KCNQ3: variants seen among roughly 807,000 people sequenced by gnomAD.
The protein encoded by KCNQ3 is potassium voltage-gated channel subfamily KQT member 3.
Under a neutral mutation model 92.5 loss-of-function variants are expected in KCNQ3, and 30 were observed. The ratio of observed to expected loss-of-function variants is 0.32; its 90% CI spans 0.24 to 0.44. The LOEUF is 0.44. KCNQ3 is among the 20% of genes least tolerant of loss of function. KCNQ3 has a pLI of 1.00. For missense variants in KCNQ3, 913 were observed against 1,140.3 expected (o/e 0.80, Z 2.87); for synonymous variants, 450 against 468.8 (o/e 0.96, Z 0.52).
chr8:132,193,504 G>T (rs1434540227), intron 1 of KCNQ3, among the ~76,000 whole-genome samples: 1 of 152,194 alleles, frequency 6.6e-6, no homozygotes, highest in Non-Finnish European at 1.5e-5. Context: ...TGTGAGGGAT[G>T]ACCACAGTGG....
At position 132,480,300 on chromosome 8, in the gene KCNQ3, T is replaced by TGCCCCTCGTCGCGGCCGCC; in HGVS notation, c.214_232dup (p.Gln78ArgfsTer78). ...CCCGATGCCCTGCGGGGTCCTCCGC[T>TGCCCCTCGTCGCGGCCGCC]GCCCCTCGTCGCGGCCGCCGCCCTC... On this transcript the variant is annotated frameshift_variant, in exon 1 of 15. Transcript: ENST00000388996. LOFTEE classifies it high-confidence loss of function. 1 of 1,605,210 alleles carries TGCCCCTCGTCGCGGCCGCC rather than the reference T, an allele frequency of 6.2e-7. No individual in the cohort carries two copies. The highest frequency in any genetic ancestry group is 8.5e-7 in the Non-Finnish European group (1 of 1,176,014).
chr8:132,211,966 A>C lies in KCNQ3; in HGVS notation c.387-25785T>G, dbSNP rs1013356075. On this transcript the variant is annotated intron_variant, in intron 1 of 14. Coordinates refer to ENST00000388996, the MANE Select transcript of KCNQ3 (RefSeq NM_004519.4). ...AGACTCCATCTCAAAAAAAAAAAAAAAAAAAACTTTTAACAAGGTTATGTA... is the reference window on the plus strand; with the variant it reads ...AGACTCCATCTCAAAAAAAAAAAAACAAAAAACTTTTAACAAGGTTATGTA... Among the ~76,000 whole-genome samples the C allele has an allele frequency of 5.3e-5, 8 of 152,038 alleles. No homozygotes were observed. In the South Asian group the frequency reaches 1.5e-3, roughly 28 times the overall value.
intron 1 of KCNQ3, among the ~76,000 whole-genome samples, chr8:132,467,917 G>A (rs1336350206): frequency 2.0e-5 from 3 of 152,172 alleles, no homozygotes; most frequent in Admixed American, 1.3e-4. Context: ...CGCCTTGCAC[G>A]AAGACTTGGT....
chr8:132,459,254 G>A (rs1240970615), intron 1 of KCNQ3, among the ~76,000 whole-genome samples: 4 of 152,142 alleles, frequency 2.6e-5, no homozygotes, highest in African/African-American at 9.7e-5. Flanking sequence ...TGTTAACCTG[G>A]ATCACCTGGT....
chr8:132,189,624 C>T (rs1168045311), intron 1 of KCNQ3, among the ~76,000 whole-genome samples: 7 of 151,908 alleles, frequency 4.6e-5, no homozygotes, highest in Admixed American at 3.3e-4. Flanking sequence ...GTCGGGAGTT[C>T]GAGTCCAGCC....
chr8:132,325,279 G>A (rs992686061), intron 1 of KCNQ3, among the ~76,000 whole-genome samples: 1 of 152,162 alleles, frequency 6.6e-6, no homozygotes, highest in Non-Finnish European at 1.5e-5. Context: ...GGAGAGAGAA[G>A]TGTGTTGGGG....
intron 1 of KCNQ3, among the ~76,000 whole-genome samples, chr8:132,442,050 G>A (rs530557654): frequency 1.2e-4 from 19 of 152,260 alleles, no homozygotes; most frequent in African/African-American, 4.3e-4. Flanking sequence ...ACACAGAGGC[G>A]AACAGCATAC....
At chr8:132,455,499 C>A (rs1821919035) in intron 1 of KCNQ3, among the ~76,000 whole-genome samples, 1 of 152,148 alleles carries the variant, frequency 6.6e-6, no homozygotes, top group South Asian at 2.1e-4. Flanking sequence ...TTCTTGGGTG[C>A]CCCAGTATTA....
chr8:132,439,098 C>A (rs1821465298), intron 1 of KCNQ3, among the ~76,000 whole-genome samples: 1 of 151,554 alleles, frequency 6.6e-6, no homozygotes, highest in South Asian at 2.1e-4. Flanking sequence ...ATACTTCCTA[C>A]CAAGCTTTAT....
At chr8:132,207,616 C>G (rs1201175421) in intron 1 of KCNQ3, among the ~76,000 whole-genome samples, 1 of 152,116 alleles carries the variant, frequency 6.6e-6, no homozygotes, top group Non-Finnish European at 1.5e-5. Context: ...ATATTACTTA[C>G]ATTTCTTACC....
intron 1 of KCNQ3, among the ~76,000 whole-genome samples, chr8:132,290,440 G>A (rs138625344): frequency 6.6e-6 from 1 of 152,302 alleles, no homozygotes; most frequent in African/African-American, 2.4e-5. Context: ...GGAAAAGGGT[G>A]AGACAAGACC....
Position 132,134,289 on chromosome 8 carries a change from C to A in KCNQ3, c.1799+1G>T. The A allele has an allele frequency of 6.2e-7, 1 of 1,611,954 alleles. No individual in the cohort carries two copies. The highest frequency in any genetic ancestry group is 8.5e-7 in the Non-Finnish European group (1 of 1,178,328). On this transcript the variant is annotated splice_donor_variant, in intron 13 of 14. Transcript: ENST00000388996. LOFTEE classifies it high-confidence loss of function. ...CATCAGTCCATGTCCACTGGCCCCA[C>A]CTGGGAGATTGCTGGGATGGGAAGG...
chr8:132,228,050 T>A (rs755556527), intron 1 of KCNQ3, among the ~76,000 whole-genome samples: 10 of 152,142 alleles, frequency 6.6e-5, no homozygotes, highest in Admixed American at 1.3e-4. Context: ...GTAAATAACT[T>A]GCTTTTGATG....
chr8:132,176,071 C>G (rs1347924864), intron 4 of KCNQ3, among the ~76,000 whole-genome samples: 1 of 152,148 alleles, frequency 6.6e-6, no homozygotes, highest in African/African-American at 2.4e-5. Flanking sequence ...GGCAAATTCT[C>G]CTCTTCTCCC....
intron 1 of KCNQ3, among the ~76,000 whole-genome samples, chr8:132,186,929 T>TGAGA (rs752305044): frequency 0.023 from 2,284 of 98,010 alleles, 72 homozygotes; most frequent in African/African-American, 0.043. Context: ...TGTGTGTGTG[T>TGAGA]GTGTGAGAGA....
chr8:132,243,304 TC>T (rs1446872682), intron 1 of KCNQ3, among the ~76,000 whole-genome samples: 9 of 152,188 alleles, frequency 5.9e-5, no homozygotes, highest in African/African-American at 1.4e-4. Context: ...ATCTGATGAG[TC>T]TCTAGTCTCA....
chr8:132,300,521 AG>A (rs1278387793), intron 1 of KCNQ3, among the ~76,000 whole-genome samples: 1 of 152,188 alleles, frequency 6.6e-6, no homozygotes, highest in African/African-American at 2.4e-5. Context: ...AAAACCTTTC[AG>A]GGTTTTGAGA....
chr8:132,242,270 A>G (rs1815022431), intron 1 of KCNQ3, among the ~76,000 whole-genome samples: 1 of 152,180 alleles, frequency 6.6e-6, no homozygotes, highest in Non-Finnish European at 1.5e-5. Context: ...TGTCCATAGG[A>G]CACTGTGCAG....
chr8:132,194,604 C>T (rs1472575059), intron 1 of KCNQ3, among the ~76,000 whole-genome samples: 3 of 152,174 alleles, frequency 2.0e-5, no homozygotes, highest in Admixed American at 1.3e-4. Flanking sequence ...ATTATTGATT[C>T]GTGATGTCTG....
Sources: gnomAD v4.1 joint callset for allele counts (sites outside exome capture counted in the v4.1 genomes callset) on GRCh38, gnomAD v4.1.1 for gene constraint, MANE v1.5 for transcripts, NCBI Gene and HGNC (gene_info 2026-07-23, HGNC 2026-07-21) for gene names.